LPCAT4: variants seen among roughly 807,000 people sequenced by gnomAD.
LPCAT4 encodes lysophospholipid acyltransferase LPCAT4.
LPCAT4 carries 30 observed loss-of-function variants against 66.5 expected under a neutral mutation model. That is an observed-to-expected ratio of 0.45 (90% CI 0.34 to 0.61). The LOEUF (loss-of-function observed/expected upper bound fraction) is 0.61, where lower values mean the gene tolerates loss of function less well. LPCAT4 is among the 20% of genes least tolerant of loss of function. The pLI, the probability that LPCAT4 is intolerant of heterozygous loss-of-function variation, is 0.01. For missense variants in LPCAT4, 557 were observed against 656.7 expected, an observed-to-expected ratio of 0.85 and a Z score of 1.66; for synonymous variants, 253 against 262.1, an observed-to-expected ratio of 0.97 and a Z score of 0.34.
intron 1 of LPCAT4, among the ~76,000 whole-genome samples, chr15:34,366,547 G>T (rs937038919): frequency 1.1e-4 from 16 of 152,044 alleles, no homozygotes; most frequent in African/African-American, 3.9e-4. Context: ...AAGGGCACAG[G>T]GTCGCAGGCT....
Position 34,363,729 on chromosome 15 carries a change from A to G in LPCAT4, c.653-10T>C. The G allele has an allele frequency of 6.2e-7, 1 of 1,613,882 alleles. No individual in the cohort carries two copies. The highest frequency in any genetic ancestry group is 8.5e-7 in the Non-Finnish European group (1 of 1,179,968). ...CCTGCGATGAAGGCTCCTAAATCCC[A>G]TTTCCACCCCCACCCCCACAAGGCA... On this transcript the variant is annotated splice_polypyrimidine_tract_variant and intron_variant, in intron 5 of 13. Coordinates refer to ENST00000314891, the MANE Select transcript of LPCAT4 (RefSeq NM_153613.3). The surrounding 1 kb of genome is among the most constrained non-coding windows in gnomAD (Gnocchi z 4.3).
chr15:34,361,763 G>A (rs971014416), intron 10 of LPCAT4, among the ~76,000 whole-genome samples: 8 of 151,812 alleles, frequency 5.3e-5, no homozygotes, highest in African/African-American at 1.5e-4. Flanking sequence ...GCAGTGGCAC[G>A]ACCTTGGCTC....
intron 3 of LPCAT4, 82 bp from the exon 4 acceptor site, chr15:34,364,388 A>G (rs2140169189): frequency 2.6e-6 from 2 of 769,662 alleles, no homozygotes; most frequent in East Asian, 5.0e-5. Context: ...CTTCCTCAAC[A>G]GCATGAGAAG....
Position 34,365,207 on chromosome 15 carries a change from C to T in LPCAT4, c.279G>A (p.Val93=). The T allele has an allele frequency of 6.2e-7, 1 of 1,610,144 alleles. No homozygotes were observed. Among genetic ancestry groups the T allele is most frequent in the Non-Finnish European group, 8.5e-7 (1 of 1,178,416 alleles). ...GWRKTVCHNG[V]LGLSRLLFFL... ...AAAACAGCAGGCGGCTCAGGCCTAG[C>T]ACCCCGTTGTGGCACACAGTCCTGC... Residue 93 remains valine (V), a synonymous_variant, in exon 3 of 14, where the codon GTG becomes GTA. Coordinates refer to ENST00000314891, the MANE Select transcript of LPCAT4 (RefSeq NM_153613.3).
At position 34,363,512 on chromosome 15, in the gene LPCAT4, G is replaced by A; in HGVS notation, c.712-56C>T. 1 of 1,610,934 alleles carries A rather than the reference G, an allele frequency of 6.2e-7. No homozygotes were observed. The highest frequency in any genetic ancestry group is 1.3e-5 in the African/African-American group (1 of 74,984). ...AGCATTACTTTTTCCCCCTGGAACT[G>A]GCCAATCACCTTTGAACAGAGGGCC... On this transcript the variant is annotated intron_variant, in intron 6 of 13. Coordinates refer to ENST00000314891, the MANE Select transcript of LPCAT4 (RefSeq NM_153613.3). The surrounding 1 kb of genome is among the most constrained non-coding windows in gnomAD (Gnocchi z 4.3).
rs1431944750 is a variant in LPCAT4 at position 34,363,074 on chromosome 15, A to AT, written c.747-239_747-238insA. ...CAGAGCTGCATGGATATGCCAGAGGAAGAACTGTAGGCAAGAGGAGGTTTG... is the reference window on the plus strand; with the variant it reads ...CAGAGCTGCATGGATATGCCAGAGGATAGAACTGTAGGCAAGAGGAGGTTTG... On this transcript the variant is annotated intron_variant, in intron 7 of 13. Transcript: ENST00000314891. This position sits in a 1 kb window ranked among gnomAD's most constrained non-coding sequence, Gnocchi z 4.3. 3.3e-5 allele frequency among the ~76,000 whole-genome samples: 5 copies of AT among 152,148 alleles called. No individual in the cohort carries two copies. The highest frequency in any genetic ancestry group is 7.4e-5 in the Non-Finnish European group (5 of 67,962).
At position 34,367,165 on chromosome 15, in the gene LPCAT4, T is replaced by A; in HGVS notation, c.-65A>T. 2.3e-6 allele frequency: 3 copies of A among 1,327,648 alleles called. No homozygotes were observed. The highest frequency in any genetic ancestry group is 2.9e-6 in the Non-Finnish European group (3 of 1,026,928). 82.2% of individuals were successfully genotyped at this position (1,327,648 alleles called of 1,614,324 possible). On this transcript the variant is annotated 5_prime_UTR_variant, in exon 1 of 14. Transcript: ENST00000314891. ...CCCGGCCACCACTCTGCAGAGCAGCTGCTGCTGCAGCAGCGGCGGCGGCGG... is the reference window on the plus strand; with the variant it reads ...CCCGGCCACCACTCTGCAGAGCAGCAGCTGCTGCAGCAGCGGCGGCGGCGG...
In LPCAT4 at chr15:34,359,276, C is replaced by A; in HGVS notation, c.1426G>T (p.Asp476Tyr). 2 of 1,543,628 alleles carry A rather than the reference C, an allele frequency of 1.3e-6. No individual in the cohort carries two copies. The highest frequency in any genetic ancestry group is 1.2e-5 in the South Asian group (1 of 82,316). ...LCQFQNFSLH[D>Y]PLYGKLFSTY... ...CTGAAGAGTTTCCCATAGAGTGGGT[C>A]ATGGAGGGAGAAGTTCTGGAACTGA... The change falls in exon 14 of 14, where the codon GAC becomes TAC. Residue 476 changes from aspartate to tyrosine, a missense_variant. Coordinates refer to ENST00000314891, the MANE Select transcript of LPCAT4 (RefSeq NM_153613.3).
chr15:34,363,716 G>C lies in LPCAT4; in HGVS notation c.656C>G (p.Ala219Gly). ...CTGCACAGGCACCCCTGCGATGAAG[G>C]CTCCTAAATCCCATTTCCACCCCCA... ...KKALLKFKPG[A>G]FIAGVPVQPV... Residue 219 changes from alanine to glycine, a missense_variant, in exon 6 of 14, where the codon GCC becomes GGC. Coordinates refer to ENST00000314891, the MANE Select transcript of LPCAT4 (RefSeq NM_153613.3). This position sits in a 1 kb window ranked among gnomAD's most constrained non-coding sequence, Gnocchi z 4.3. The C allele has an allele frequency of 6.2e-7, 1 of 1,614,078 alleles. No homozygotes were observed. The highest frequency in any genetic ancestry group is 8.5e-7 in the Non-Finnish European group (1 of 1,180,018).
chr15:34,361,811 T>C (rs943844785), intron 10 of LPCAT4, among the ~76,000 whole-genome samples: 2 of 152,212 alleles, frequency 1.3e-5, no homozygotes, highest in Non-Finnish European at 2.9e-5. Context: ...GCAATTCTCC[T>C]GCCTCAGCCT....
At chr15:34,359,846 G>T in intron 12 of LPCAT4, 101 bp from the exon 13 acceptor site, 2 of 1,281,530 alleles carry the variant, frequency 1.6e-6, no homozygotes, top group South Asian at 1.5e-5. Context: ...CCAAAAGGGT[G>T]GTGCACAAGC....
Position 34,362,579 on chromosome 15 carries a change from A to G in LPCAT4, c.878T>C (p.Met293Thr). The change falls in exon 9 of 14, where the codon ATG (methionine) becomes ACG (threonine). Residue 293 changes from methionine (M) to threonine (T), a missense_variant. By Grantham distance (81) the Met-to-Thr change is moderately conservative. Coordinates refer to ENST00000314891, the MANE Select transcript of LPCAT4 (RefSeq NM_153613.3). ...TLYANNVQRV[M>T]AQALGIPATE... is the part of the protein sequence containing the mutation. ...TAGTTTGTGGGGCACTCACTGTGCC[A>G]TGACCCTCTGAACATTGTTGGCATA... 6.4e-7 allele frequency: 1 copy of G among 1,554,666 alleles called. No individual in the cohort carries two copies. Among genetic ancestry groups the G allele is most frequent in the Non-Finnish European group, 8.7e-7 (1 of 1,149,756 alleles).
At position 34,360,245 on chromosome 15, in the gene LPCAT4, C is replaced by G. The variant is rs771779808; in HGVS notation, c.1144-36G>C. 13 of 1,519,934 alleles carry G rather than the reference C, an allele frequency of 8.6e-6. No individual in the cohort carries two copies. The Admixed American group carries it at 2.0e-4, about 23-fold the overall frequency. 94.2% of individuals were successfully genotyped at this position (1,519,934 alleles called of 1,614,324 possible). ...AAAGAAACCAGGGCAATGCGGGGAC[C>G]CTGCGCCTCCCTTCCTGCTCTTTGG... On this transcript the variant is annotated intron_variant, in intron 11 of 13. Transcript: ENST00000314891.
intron 3 of LPCAT4, chr15:34,364,770 G>A: frequency 2.0e-6 from 1 of 498,468 alleles, no homozygotes; most frequent in Non-Finnish European, 3.6e-6. Flanking sequence ...CTTTGCCCTG[G>A]GACAATCCCT....
Position 34,367,057 on chromosome 15 carries a change from G to C in LPCAT4, c.44C>G (p.Thr15Ser), listed in dbSNP as rs1479763522. Residue 15 changes from threonine to serine, a missense_variant, in exon 1 of 14, where the codon ACC (threonine) becomes AGC (serine). Physicochemically the swap from Thr to Ser is moderately conservative, Grantham distance 58. This residue lies in a region of LPCAT4 where 94 missense variants were observed against 71.5 expected (regional missense o/e 1.32). Coordinates refer to ENST00000314891, the MANE Select transcript of LPCAT4 (RefSeq NM_153613.3). ...SPGDWAPLDP[T>S]PGPPASPNPF... The stretch of plus-strand genomic sequence containing the variant: ...GTTGGGGGATGCTGGGGGTCCGGGG[G>C]TGGGATCTAGGGGGGCCCAGTCCCC... 6.4e-7 allele frequency: 1 copy of C among 1,556,714 alleles called. No homozygotes were observed. Among genetic ancestry groups the C allele is most frequent in the Non-Finnish European group, 8.7e-7 (1 of 1,149,948 alleles).
At position 34,363,575 on chromosome 15, in the gene LPCAT4, C is replaced by A; in HGVS notation, c.711+86G>T. The A allele has an allele frequency of 6.3e-7, 1 of 1,598,022 alleles. No individual in the cohort carries two copies. ...TGGTCACAGCCCCCAATGCACATCC[C>A]ATTAAAGCACCAACAGTTTTCACTT... On this transcript the variant is annotated intron_variant, in intron 6 of 13. Transcript: ENST00000314891. This position sits in a 1 kb window ranked among gnomAD's most constrained non-coding sequence, Gnocchi z 4.3.
chr15:34,362,890 C>G, intron 7 of LPCAT4, 54 bp from the exon 8 acceptor site: 1 of 1,579,044 alleles, frequency 6.3e-7, no homozygotes, highest in Non-Finnish European at 8.7e-7. Context: ...GGCTCCTTCC[C>G]TGGCTCCCAC....
At chr15:34,361,266 A>G in intron 11 of LPCAT4, 134 bp downstream of exon 11, 1 of 1,501,932 alleles carries the variant, frequency 6.7e-7, no homozygotes, top group Non-Finnish European at 8.9e-7. Flanking sequence ...ATCTCAGGGG[A>G]TGGCCATCTA....
At chr15:34,361,678 A>T (rs1370300649) in intron 10 of LPCAT4, 146 bp from the exon 11 acceptor site, 2 of 919,784 alleles carry the variant, frequency 2.2e-6, no homozygotes, top group Non-Finnish European at 3.2e-6. Flanking sequence ...CAGTCCCTTG[A>T]GAGCACTTCT....
Sources: allele counts gnomAD v4.1 joint callset (sites outside exome capture counted in the v4.1 genomes callset), GRCh38; gene constraint gnomAD v4.1.1; regional missense constraint gnomAD v4.1.1; non-coding constraint Gnocchi (gnomAD v3.1); transcripts MANE v1.5; gene names NCBI Gene and HGNC (gene_info 2026-07-23, HGNC 2026-07-21).